The following CNTN3 variants were observed in gnomAD, a reference collection of about 807,000 sequenced individuals.
CNTN3 encodes the protein contactin-3.
A neutral mutation model predicts 119.1 loss-of-function variants in CNTN3; 60 were observed. That is an observed-to-expected ratio of 0.50 (90% CI 0.41 to 0.62). CNTN3 has a LOEUF of 0.62. CNTN3 is among the 20% of genes least tolerant of loss of function. The pLI is 0.00. For synonymous variants in CNTN3, 450 were observed against 438.7 expected, an observed-to-expected ratio of 1.03 and a Z score of -0.32; for missense variants, 1,101 against 1,242.4, an observed-to-expected ratio of 0.89 and a Z score of 1.71.
chr3:74,453,110 C>A (rs1413729074), intron 4 of CNTN3, among the ~76,000 whole-genome samples: 2 of 152,038 alleles, frequency 1.3e-5, no homozygotes, highest in Non-Finnish European at 2.9e-5. Flanking sequence ...CCTCCTTGTA[C>A]CTCTGGCAGA....
At chr3:74,265,198 C>T (rs769811851) in intron 22 of CNTN3, among the ~76,000 whole-genome samples, 2 of 152,060 alleles carry the variant, frequency 1.3e-5, no homozygotes, top group South Asian at 4.1e-4. Flanking sequence ...ATAAAAGCTT[C>T]GTTTTCATAG....
At chr3:74,543,441 G>A (rs1703869836) in intron 1 of CNTN3, among the ~76,000 whole-genome samples, 1 of 152,116 alleles carries the variant, frequency 6.6e-6, no homozygotes, top group African/African-American at 2.4e-5. Flanking sequence ...AAAAGAAGGT[G>A]TTAGAATGGT....
At chr3:74,594,998 G>T (rs190870003) in intron 1 of CNTN3, among the ~76,000 whole-genome samples, 1 of 152,066 alleles carries the variant, frequency 6.6e-6, no homozygotes, top group Non-Finnish European at 1.5e-5. Flanking sequence ...TCTAACTGGC[G>T]TGAGATGGTA....
intron 8 of CNTN3, among the ~76,000 whole-genome samples, chr3:74,367,589 G>A (rs1704230703): frequency 6.6e-6 from 1 of 152,056 alleles, no homozygotes; most frequent in Middle Eastern, 3.4e-3. Context: ...AACAACTGAT[G>A]TGCTAGTCAC....
chr3:74,285,157 T>G, intron 20 of CNTN3, 148 bp downstream of exon 20: 1 of 762,082 alleles, frequency 1.3e-6, no homozygotes, highest in South Asian at 2.1e-5. Context: ...GGTTTTGGAG[T>G]TGGGTTTTGG....
intron 5 of CNTN3, among the ~76,000 whole-genome samples, chr3:74,375,513 C>T (rs992164055): frequency 6.6e-6 from 1 of 152,022 alleles, no homozygotes; most frequent in African/African-American, 2.4e-5. Flanking sequence ...AGTTAAAGAT[C>T]ATTTGAGGGG....
At chr3:74,375,864 T>C (rs1704463680) in intron 5 of CNTN3, among the ~76,000 whole-genome samples, 1 of 152,168 alleles carries the variant, frequency 6.6e-6, no homozygotes, top group African/African-American at 2.4e-5. Context: ...ATTTGTGTTG[T>C]AGTAATTTGT....
At chr3:74,595,820 G>A (rs1241639387) in intron 1 of CNTN3, among the ~76,000 whole-genome samples, 1 of 152,136 alleles carries the variant, frequency 6.6e-6, no homozygotes, top group Non-Finnish European at 1.5e-5. Flanking sequence ...ATTCAACGTA[G>A]TGTTGGAAGT....
chr3:74,444,949 C>T (rs1702024871), intron 4 of CNTN3, among the ~76,000 whole-genome samples: 2 of 152,162 alleles, frequency 1.3e-5, no homozygotes, highest in Admixed American at 6.5e-5. Flanking sequence ...CAATGCCACA[C>T]ATCCTAATAT....
At chr3:74,422,041 G>A (rs975853350) in intron 5 of CNTN3, among the ~76,000 whole-genome samples, 5 of 152,152 alleles carry the variant, frequency 3.3e-5, no homozygotes, top group Non-Finnish European at 5.9e-5. Flanking sequence ...TTTTAAAAAT[G>A]TATTCCTTAC....
chr3:74,363,596 T>G (rs1704123387), intron 10 of CNTN3, among the ~76,000 whole-genome samples: 1 of 152,166 alleles, frequency 6.6e-6, no homozygotes, highest in Non-Finnish European at 1.5e-5. Flanking sequence ...TTAACCCAAA[T>G]CAGGCTATAT....
chr3:74,283,707 CTG>C (rs1190443746), intron 20 of CNTN3, among the ~76,000 whole-genome samples: 1 of 152,088 alleles, frequency 6.6e-6, no homozygotes, highest in Non-Finnish European at 1.5e-5. Flanking sequence ...TTGATTGATG[CTG>C]TGTTTGGAAT....
chr3:74,560,610 G>A (rs1704138175), intron 1 of CNTN3, among the ~76,000 whole-genome samples: 1 of 152,162 alleles, frequency 6.6e-6, no homozygotes, highest in Non-Finnish European at 1.5e-5. Context: ...GTGGAAGACA[G>A]TGTGGTGATT....
chr3:74,551,904 C>T (rs901141657), intron 1 of CNTN3, among the ~76,000 whole-genome samples: 3 of 151,446 alleles, frequency 2.0e-5, no homozygotes, highest in Non-Finnish European at 2.9e-5. Flanking sequence ...GCTGGGATTA[C>T]AGGCACATGT....
chr3:74,285,279 A>G (rs1286093660), intron 20 of CNTN3, 26 bp downstream of exon 20: 6 of 1,577,704 alleles, frequency 3.8e-6, no homozygotes, highest in South Asian at 1.2e-5. Flanking sequence ...TTTCCGTACC[A>G]TTCAAAGAAA....
chr3:74,497,377 G>A (rs1019745127), intron 3 of CNTN3, among the ~76,000 whole-genome samples: 1 of 151,876 alleles, frequency 6.6e-6, no homozygotes, highest in African/African-American at 2.4e-5. Context: ...AGACAAATTT[G>A]TCATTACAAC....
intron 1 of CNTN3, among the ~76,000 whole-genome samples, chr3:74,537,172 T>C (rs6549624): frequency 0.99 from 150,723 of 152,250 alleles, 74,615 homozygotes; most frequent in Middle Eastern, 1. Flanking sequence ...AAGAAAAATA[T>C]GCTCTGCTGT....
At chr3:74,533,494 G>A (rs1362034940) in intron 1 of CNTN3, among the ~76,000 whole-genome samples, 10 of 151,978 alleles carry the variant, frequency 6.6e-5, no homozygotes, top group African/African-American at 2.4e-4. Flanking sequence ...ACATGTGCCA[G>A]GCAATACTCT....
chr3:74,549,016 T>C (rs1412559879), intron 1 of CNTN3, among the ~76,000 whole-genome samples: 1 of 152,214 alleles, frequency 6.6e-6, no homozygotes, highest in African/African-American at 2.4e-5. Context: ...TGGTCCATTA[T>C]ATGAACAACA....
Sources: allele counts gnomAD v4.1 joint callset (sites outside exome capture counted in the v4.1 genomes callset), GRCh38; gene constraint gnomAD v4.1.1; transcripts MANE v1.5; gene names NCBI Gene and HGNC (gene_info 2026-07-23, HGNC 2026-07-21).